Variants in RALB observed in about 807,000 individuals in gnomAD.
The protein encoded by RALB is ras-related protein Ral-B.
A neutral mutation model predicts 21.3 loss-of-function variants in RALB; 16 were observed. The ratio of observed to expected loss-of-function variants is 0.75; its 90% CI spans 0.51 to 1.14. The LOEUF is 1.14. Ranked by LOEUF, RALB falls within the 50% of genes most tolerant of loss-of-function variation. The pLI is 0.00. For missense variants in RALB, 161 were observed against 256.2 expected, an observed-to-expected ratio of 0.63 and a Z score of 2.54; for synonymous variants, 93 against 96.1, an observed-to-expected ratio of 0.97 and a Z score of 0.19.
intron 2 of RALB, among the ~76,000 whole-genome samples, chr2:120,283,228 G>A (rs1386890700): frequency 6.6e-6 from 1 of 152,188 alleles, no homozygotes; most frequent in African/African-American, 2.4e-5. Context: ...GACTTTGAAT[G>A]TGGCCCAACA....
At chr2:120,279,037 T>G (rs766067105) in intron 2 of RALB, among the ~76,000 whole-genome samples, 1 of 152,226 alleles carries the variant, frequency 6.6e-6, no homozygotes, top group Non-Finnish European at 1.5e-5. Flanking sequence ...CTTCGAGCTT[T>G]CTTTCTGACA....
chr2:120,269,578 A>C (rs984093135), intron 1 of RALB, among the ~76,000 whole-genome samples: 5 of 152,198 alleles, frequency 3.3e-5, no homozygotes, highest in African/African-American at 4.8e-5. Flanking sequence ...ACAAACCTCT[A>C]GCCAGCCACA....
Position 120,294,034 on chromosome 2 carries a change from G to C in RALB, c.*774G>C. 1 of 397,820 alleles carries C rather than the reference G, an allele frequency of 2.5e-6. No homozygotes were observed. The highest frequency in any genetic ancestry group is 4.4e-6 in the Non-Finnish European group (1 of 225,970). The allele number at this position is 397,820 out of a possible 1,614,324, so 24.6% of individuals were successfully genotyped here. On this transcript the variant is annotated 3_prime_UTR_variant, in exon 5 of 5. Coordinates refer to ENST00000272519, the MANE Select transcript of RALB (RefSeq NM_002881.3). ...TTATAAATGACACACATTGCCACTT[G>C]TGTAGATATTTTTAAGTTCTTTGGC...
chr2:120,286,571 G>A (rs1258972944), intron 3 of RALB, among the ~76,000 whole-genome samples: 1 of 152,202 alleles, frequency 6.6e-6, no homozygotes, highest in Non-Finnish European at 1.5e-5. Flanking sequence ...GGACGAGAAC[G>A]CGGCTTTAGA....
chr2:120,244,916 G>A (rs917756243), intron 1 of RALB, among the ~76,000 whole-genome samples: 12 of 152,228 alleles, frequency 7.9e-5, no homozygotes, highest in African/African-American at 2.2e-4. Flanking sequence ...GAGCAGGAGC[G>A]CTGGGAGGCC....
rs1690124428 is a variant in RALB, at chr2:120,286,010, G to A, written c.251G>A (p.Arg84Gln). Residue 84 changes from arginine (R) to glutamine (Q), a missense_variant, in exon 3 of 5, where the codon CGG becomes CAG. By Grantham distance (43) the Arg-to-Gln change is conservative. Transcript: ENST00000272519. The stretch of plus-strand genomic sequence containing the variant: ...GCAGCCATTCGAGATAACTACTTTC[G>A]GAGTGGGGAAGGGTTTCTTCTTGTG... ...DYAAIRDNYF[R>Q]SGEGFLLVFS... 1.9e-6 allele frequency: 3 copies of A among 1,614,012 alleles called. No individual in the cohort carries two copies. Among genetic ancestry groups the A allele is most frequent in the Non-Finnish European group, 2.5e-6 (3 of 1,179,990 alleles).
chr2:120,262,197 T>A (rs1005516865), intron 1 of RALB, among the ~76,000 whole-genome samples: 2 of 152,126 alleles, frequency 1.3e-5, no homozygotes, highest in Non-Finnish European at 2.9e-5. Flanking sequence ...AGGCCAGGCC[T>A]CAAAGGTATG....
rs1385099631 is a variant in RALB at position 120,286,013 on chromosome 2, G to A, written c.254G>A (p.Ser85Asn). The part of the protein sequence containing the change: ...YAAIRDNYFR[S>N]GEGFLLVFSI... The stretch of plus-strand genomic sequence containing the variant: ...GCCATTCGAGATAACTACTTTCGGA[G>A]TGGGGAAGGGTTTCTTCTTGTGTTC... The change falls in exon 3 of 5, where the codon AGT (serine) becomes AAT (asparagine). Residue 85 changes from serine (S) to asparagine (N), a missense_variant. Transcript: ENST00000272519. 6 of 1,613,978 alleles carry A rather than the reference G, an allele frequency of 3.7e-6. No individual in the cohort carries two copies. The highest frequency in any genetic ancestry group is 1.3e-5 in the African/African-American group (1 of 74,898).
At chr2:120,241,760 A>G (rs972340116) in intron 1 of RALB, among the ~76,000 whole-genome samples, 1 of 152,156 alleles carries the variant, frequency 6.6e-6, no homozygotes, top group African/African-American at 2.4e-5. Context: ...AAACAAAAAA[A>G]CAGAGAAGAG....
intron 1 of RALB, among the ~76,000 whole-genome samples, chr2:120,269,292 G>A (rs544745111): frequency 7.9e-5 from 12 of 152,268 alleles, no homozygotes; most frequent in Admixed American, 4.6e-4. Flanking sequence ...GAATGAAGCC[G>A]CAAACCTTCG....
At chr2:120,279,884 C>T (rs1689942358) in intron 2 of RALB, among the ~76,000 whole-genome samples, 1 of 152,192 alleles carries the variant, frequency 6.6e-6, no homozygotes, top group Non-Finnish European at 1.5e-5. Context: ...CTGGAGTGGC[C>T]ATGGGCATTT....
chr2:120,267,325 A>G (rs1401451705), intron 1 of RALB, among the ~76,000 whole-genome samples: 1 of 152,220 alleles, frequency 6.6e-6, no homozygotes, highest in Non-Finnish European at 1.5e-5. Context: ...TTGCATATCT[A>G]ATGTCAGAAA....
chr2:120,284,853 G>A (rs1299824778), intron 2 of RALB, among the ~76,000 whole-genome samples: 6 of 152,104 alleles, frequency 3.9e-5, no homozygotes, highest in Non-Finnish European at 8.8e-5. Flanking sequence ...GCCTATTCTG[G>A]ACATTTCATA....
Position 120,285,858 on chromosome 2 carries a change from A to G in RALB, c.115-16A>G, listed in dbSNP as rs1390473415. 1.9e-6 allele frequency: 3 copies of G among 1,604,218 alleles called. No homozygotes were observed. The African/African-American group carries it at 4.0e-5, about 22-fold the overall frequency. On this transcript the variant is annotated splice_polypyrimidine_tract_variant and intron_variant, in intron 2 of 4. Transcript: ENST00000272519. ...CTTAAGACTTTGTTAATTACCGATA[A>G]TGTTTATTTCCTCAGTTTGTAGAAG...
rs555641878 is a variant in RALB, at chr2:120,272,771, C to T, written c.-47-5847C>T. Among the ~76,000 whole-genome samples, 219 of 152,196 alleles carry T rather than the reference C, an allele frequency of 1.4e-3. 5 individuals carry two copies. The South Asian group carries it at 0.023, about 16-fold the overall frequency. On this transcript the variant is annotated intron_variant, in intron 1 of 4. Coordinates refer to ENST00000272519, the MANE Select transcript of RALB (RefSeq NM_002881.3). Reference sequence around the variant, plus strand: ...AGCTCTTAGTTCATGCGATGTCCCTCCAGGAAATTTCCCCTGACCTTCCAG... The same window carrying T: ...AGCTCTTAGTTCATGCGATGTCCCTTCAGGAAATTTCCCCTGACCTTCCAG...
intron 1 of RALB, among the ~76,000 whole-genome samples, chr2:120,258,754 G>T (rs959224606): frequency 1.3e-5 from 2 of 152,218 alleles, no homozygotes; most frequent in African/African-American, 4.8e-5. Flanking sequence ...GAGAGGCAAT[G>T]GGAGTCAAAA....
intron 2 of RALB, among the ~76,000 whole-genome samples, chr2:120,281,651 A>G (rs1233147917): frequency 6.6e-6 from 1 of 152,204 alleles, no homozygotes; most frequent in African/African-American, 2.4e-5. Context: ...GTCAAACTGG[A>G]TAAATCTAAT....
At chr2:120,271,679 A>G (rs1006643970) in intron 1 of RALB, among the ~76,000 whole-genome samples, 1 of 152,220 alleles carries the variant, frequency 6.6e-6, no homozygotes, top group African/African-American at 2.4e-5. Flanking sequence ...TGCTTTGCAC[A>G]TGCTGTGTGT....
At chr2:120,256,287 C>A (rs1313673190) in intron 1 of RALB, among the ~76,000 whole-genome samples, 1 of 152,162 alleles carries the variant, frequency 6.6e-6, no homozygotes, top group African/African-American at 2.4e-5. Context: ...AGCTTTTCTC[C>A]CCAGAGCAAG....
Sources: allele counts gnomAD v4.1 joint callset (sites outside exome capture counted in the v4.1 genomes callset), GRCh38; gene constraint gnomAD v4.1.1; transcripts MANE v1.5; gene names NCBI Gene and HGNC (gene_info 2026-07-23, HGNC 2026-07-21).